DOCK1: variants seen among roughly 807,000 people sequenced by gnomAD.
DOCK1 encodes the protein dedicator of cytokinesis 1, also known as dedicator of cytokinesis protein 1.
Under a neutral mutation model 262.7 loss-of-function variants are expected in DOCK1, and 138 were observed. The ratio of observed to expected loss-of-function variants is 0.53; its 90% CI spans 0.46 to 0.61. The LOEUF (loss-of-function observed/expected upper bound fraction) is 0.61. Ranked by LOEUF, DOCK1 falls within the 20% of genes least tolerant of loss-of-function variation. The pLI is 0.00. For synonymous variants in DOCK1, 866 were observed against 867.4 expected, an observed-to-expected ratio of 1.00 and a Z score of 0.03; for missense variants, 1,908 against 2,370.7, an observed-to-expected ratio of 0.80 and a Z score of 4.05.
chr10:127,242,137 A>T (rs1432554604), intron 27 of DOCK1, among the ~76,000 whole-genome samples: 1 of 152,142 alleles, frequency 6.6e-6, no homozygotes, highest in African/African-American at 2.4e-5. Context: ...GCATCTCCTC[A>T]GAGTCCCCTG....
At chr10:127,355,218 TAGG>T (rs1464792884) in intron 32 of DOCK1, among the ~76,000 whole-genome samples, 3 of 152,158 alleles carry the variant, frequency 2.0e-5, no homozygotes, top group Non-Finnish European at 2.9e-5. Context: ...ATGAAATTAA[TAGG>T]AGTTTATTTG....
chr10:127,386,132 G>A (rs1363193144), intron 38 of DOCK1, among the ~76,000 whole-genome samples: 4 of 152,168 alleles, frequency 2.6e-5, no homozygotes, highest in Admixed American at 1.3e-4. Flanking sequence ...CAGAGTCCCC[G>A]TGGTCACGAG....
intron 1 of DOCK1, among the ~76,000 whole-genome samples, chr10:126,939,876 G>C (rs975662482): frequency 6.6e-6 from 1 of 152,086 alleles, no homozygotes; most frequent in Non-Finnish European, 1.5e-5. Context: ...TAAGTGTGAC[G>C]CATGTCCCCA....
chr10:127,365,827 T>G (rs1454753129), intron 33 of DOCK1, among the ~76,000 whole-genome samples: 1 of 152,200 alleles, frequency 6.6e-6, no homozygotes, highest in East Asian at 1.9e-4. Flanking sequence ...GGCCCCAGGT[T>G]TGCTAGGAAA....
chr10:126,956,503 C>T (rs1332670505), intron 1 of DOCK1, among the ~76,000 whole-genome samples: 2 of 152,126 alleles, frequency 1.3e-5, no homozygotes, highest in East Asian at 3.9e-4. Flanking sequence ...GGCTGAGCTG[C>T]TCAGTGGGAA....
chr10:126,948,874 C>T (rs1429046735), intron 1 of DOCK1, among the ~76,000 whole-genome samples: 1 of 152,064 alleles, frequency 6.6e-6, no homozygotes, highest in Non-Finnish European at 1.5e-5. Context: ...GTGTGCTGGG[C>T]CTGGCCCAGG....
At position 127,414,518 on chromosome 10, in the gene DOCK1, G is replaced by A. The variant is rs1273097405; in HGVS notation, c.4429-634G>A. Reference sequence around the variant, plus strand: ...CAAATGATGTTTTTATTTAAAATATGCATAGACACACTTTTTAATACTTAG... The same window carrying A: ...CAAATGATGTTTTTATTTAAAATATACATAGACACACTTTTTAATACTTAG... On this transcript the variant is annotated intron_variant, in intron 43 of 51. Coordinates refer to ENST00000623213, the MANE Select transcript of DOCK1 (RefSeq NM_001290223.2). Among the ~76,000 whole-genome samples, 5 of 152,272 alleles carry A rather than the reference G, an allele frequency of 3.3e-5. No individual in the cohort carries two copies. The East Asian group carries it at 9.6e-4, about 29-fold the overall frequency.
Position 127,175,951 on chromosome 10 carries a change from C to CT in DOCK1, c.2847+48190dup. ...TCCATGGGTCCAGCCTCGTTCTTCT[C>CT]TTTCGCATCTGTTAGAAACCCATTG... On this transcript the variant is annotated intron_variant, in intron 27 of 51. Coordinates refer to ENST00000623213, the MANE Select transcript of DOCK1 (RefSeq NM_001290223.2). This position sits in a 1 kb window ranked among gnomAD's most constrained non-coding sequence, Gnocchi z 6.3. 1.2e-6 allele frequency: 2 copies of CT among 1,614,228 alleles called. No homozygotes were observed. The highest frequency in any genetic ancestry group is 1.7e-6 in the Non-Finnish European group (2 of 1,180,050).
Position 127,012,229 on chromosome 10 carries a change from C to A in DOCK1, c.1059-3C>A. 1 of 1,555,084 alleles carries A rather than the reference C, an allele frequency of 6.4e-7. No homozygotes were observed. Among genetic ancestry groups the A allele is most frequent in the Non-Finnish European group, 8.9e-7 (1 of 1,126,428 alleles). ...GTGGTCTTGGTCGTCCCGTGCCCTC[C>A]AGGCTCGCGTTGGACGACGCCATTC... On this transcript the variant is annotated splice_polypyrimidine_tract_variant and splice_region_variant and intron_variant, in intron 11 of 51. Transcript: ENST00000623213. The surrounding 1 kb of genome is among the most constrained non-coding windows in gnomAD (Gnocchi z 4.0).
chr10:127,156,738 T>C (rs1232067924), intron 27 of DOCK1, among the ~76,000 whole-genome samples: 2 of 151,922 alleles, frequency 1.3e-5, no homozygotes, highest in Non-Finnish European at 2.9e-5. Context: ...CCGGCTAATT[T>C]TGTATTTTTA....
intron 1 of DOCK1, among the ~76,000 whole-genome samples, chr10:126,969,343 G>A (rs970623720): frequency 6.6e-6 from 1 of 152,206 alleles, no homozygotes; most frequent in African/African-American, 2.4e-5. Flanking sequence ...AGGAGGCTGC[G>A]TGCGCCTGAA....
intron 15 of DOCK1, chr10:127,026,041 A>G: frequency 3.5e-6 from 1 of 289,802 alleles, no homozygotes; most frequent in Non-Finnish European, 6.4e-6. Flanking sequence ...CCTGGGCAAC[A>G]AGAGCGAAAC....
intron 33 of DOCK1, among the ~76,000 whole-genome samples, chr10:127,370,266 G>A (rs1164443840): frequency 6.6e-6 from 1 of 152,144 alleles, no homozygotes; most frequent in African/African-American, 2.4e-5. Context: ...TTTTTAAAGG[G>A]TCAAATAAGC....
chr10:127,120,183 A>G (rs1039318537), intron 25 of DOCK1, among the ~76,000 whole-genome samples: 4 of 152,236 alleles, frequency 2.6e-5, no homozygotes, highest in Non-Finnish European at 4.4e-5. Flanking sequence ...AGCCTAAGTC[A>G]GCACTGACAA....
chr10:127,354,749 G>T (rs375356059), intron 32 of DOCK1, 22 bp downstream of exon 32: 16 of 1,613,548 alleles, frequency 9.9e-6, no homozygotes, highest in Admixed American at 5.0e-5. Context: ...GGATGTGGGG[G>T]CATAGTGAAT....
chr10:127,159,038 C>T (rs1190992683), intron 27 of DOCK1, among the ~76,000 whole-genome samples: 1 of 151,952 alleles, frequency 6.6e-6, no homozygotes, highest in Non-Finnish European at 1.5e-5. Flanking sequence ...GGTAGGCTTG[C>T]CTGTTAGAGG....
Position 127,446,303 on chromosome 10 carries a change from G to A in DOCK1, c.5414-1091G>A, listed in dbSNP as rs60519482. On this transcript the variant is annotated intron_variant, in intron 50 of 51. Transcript: ENST00000623213. This position sits in a 1 kb window ranked among gnomAD's most constrained non-coding sequence, Gnocchi z 4.4. ...AAGTAGAATAGAGGATACTAGGGGC[G>A]GGAGAGAGGAGTGGAGAGTTACTGT... Among the ~76,000 whole-genome samples, 2 of 152,096 alleles carry A rather than the reference G, an allele frequency of 1.3e-5. No individual in the cohort carries two copies. Among genetic ancestry groups the A allele is most frequent in the African/African-American group, 2.4e-5 (1 of 41,504 alleles).
intron 38 of DOCK1, among the ~76,000 whole-genome samples, chr10:127,392,426 G>C (rs1421607260): frequency 1.3e-5 from 2 of 152,056 alleles, no homozygotes; most frequent in Admixed American, 1.3e-4. Flanking sequence ...CGTGGCCTGG[G>C]CTCCACTCCA....
intron 27 of DOCK1, among the ~76,000 whole-genome samples, chr10:127,142,786 T>C (rs2051395082): frequency 2.0e-5 from 3 of 152,220 alleles, no homozygotes; most frequent in Admixed American, 1.3e-4. Context: ...CTCGCTGTGC[T>C]CTTGGCAAGT....
Sources: gnomAD v4.1 joint callset for allele counts (sites outside exome capture counted in the v4.1 genomes callset) on GRCh38, gnomAD v4.1.1 for gene constraint, Gnocchi (gnomAD v3.1) non-coding constraint, MANE v1.5 for transcripts, NCBI Gene and HGNC (gene_info 2026-07-23, HGNC 2026-07-21) for gene names.